RWDD2B: variants seen among roughly 807,000 people sequenced by gnomAD.
RWDD2B encodes RWD domain containing 2B.
A neutral mutation model predicts 33.6 loss-of-function variants in RWDD2B; 36 were observed. That is an observed-to-expected ratio of 1.07 (90% CI 0.82 to 1.42). The LOEUF (loss-of-function observed/expected upper bound fraction) is 1.42. Ranked by LOEUF, RWDD2B falls within the 40% of genes most tolerant of loss-of-function variation. RWDD2B has a pLI of 0.00. For missense variants in RWDD2B, 364 were observed against 377.5 expected (o/e 0.96, Z 0.30); for synonymous variants, 126 against 133.1 (o/e 0.95, Z 0.37).
intron 1 of RWDD2B, 71 bp downstream of exon 1, chr21:29,019,117 ATGCCGGGCACGTTCCCAAAGGGT>A: frequency 9.4e-7 from 1 of 1,068,822 alleles, no homozygotes; most frequent in Non-Finnish European, 1.4e-6. Flanking sequence ...CGGGGCCGCC[ATGCCGGGCACGTTCCCAAAGGGT>A]TGCACTGGGC....
rs1361980818 is a variant in RWDD2B, at chr21:29,006,096, G to A, written c.*321C>T. On this transcript the variant is annotated 3_prime_UTR_variant, in exon 5 of 5. Coordinates refer to ENST00000493196, the MANE Select transcript of RWDD2B (RefSeq NM_016940.3). ...TTTTCTGGGTTCTTTAGTGAAGGCA[G>A]GTAAGGGAGAAGGGGGTTGGGAATG... The A allele has an allele frequency of 5.1e-6, 1 of 197,396 alleles. No individual in the cohort carries two copies. The highest frequency in any genetic ancestry group is 2.3e-5 in the African/African-American group (1 of 42,572). 12.2% of individuals were successfully genotyped at this position (197,396 alleles called of 1,614,324 possible). A position where few individuals can be genotyped will look rare whatever the true frequency, so the allele number is the denominator to read the frequency against.
chr21:29,006,342 T>C lies in RWDD2B; in HGVS notation c.*75A>G. The C allele has an allele frequency of 2.1e-6, 2 of 947,772 alleles. No homozygotes were observed. Among genetic ancestry groups the C allele is most frequent in the Non-Finnish European group, 3.2e-6 (2 of 631,640 alleles). The allele number at this position is 947,772 out of a possible 1,614,324, so 58.7% of individuals were successfully genotyped here. On this transcript the variant is annotated 3_prime_UTR_variant, in exon 5 of 5. Coordinates refer to ENST00000493196, the MANE Select transcript of RWDD2B (RefSeq NM_016940.3). Reference sequence around the variant, plus strand: ...AGAATGGAACTAAAATAAAATTACTTAATCTTTCAAGAAAAAGTGGGAAAA... The same window carrying C: ...AGAATGGAACTAAAATAAAATTACTCAATCTTTCAAGAAAAAGTGGGAAAA...
rs374513183 is a variant in RWDD2B at position 29,017,166 on chromosome 21, C to T, written c.67+2045G>A. Among the ~76,000 whole-genome samples, 560 of 151,954 alleles carry T rather than the reference C, an allele frequency of 3.7e-3. 7 individuals are homozygous for T. Among genetic ancestry groups the T allele is most frequent in the African/African-American group, 0.012 (510 of 41,438 alleles). On this transcript the variant is annotated intron_variant, in intron 1 of 4. Coordinates refer to ENST00000493196, the MANE Select transcript of RWDD2B (RefSeq NM_016940.3). ...GATTACAGGCATGAGCCACCGTGTC[C>T]GGCTGCTTATTACTATTATTATTAT...
In RWDD2B at chr21:29,008,136, A is replaced by G; in HGVS notation, c.363-13T>C. On this transcript the variant is annotated splice_polypyrimidine_tract_variant and intron_variant, in intron 3 of 4. Transcript: ENST00000493196. ...CAATAATACTGATCTAATAGAAAAG[A>G]TACAAGAAAAATATTGTCTTGGAAC... is the stretch of plus-strand genomic sequence containing the variant. 1 of 1,610,624 alleles carries G rather than the reference A, an allele frequency of 6.2e-7. No homozygotes were observed. Among genetic ancestry groups the G allele is most frequent in the Non-Finnish European group, 8.5e-7 (1 of 1,178,480 alleles).
chr21:29,006,660 A>G lies in RWDD2B; in HGVS notation c.726-9T>C. 1 of 1,520,234 alleles carries G rather than the reference A, an allele frequency of 6.6e-7. No individual in the cohort carries two copies. Among genetic ancestry groups the G allele is most frequent in the Non-Finnish European group, 9.1e-7 (1 of 1,104,312 alleles). 94.2% of individuals were successfully genotyped at this position (1,520,234 alleles called of 1,614,324 possible). ...AGTTTAATTTTCTGAGTCTGAAAAG[A>G]AATTTCCAAAGTAAACATTTTCAAA... On this transcript the variant is annotated splice_polypyrimidine_tract_variant and intron_variant, in intron 4 of 4. Coordinates refer to ENST00000493196, the MANE Select transcript of RWDD2B (RefSeq NM_016940.3).
At chr21:29,009,001 G>A (rs909403010) in intron 1 of RWDD2B, among the ~76,000 whole-genome samples, 1 of 152,214 alleles carries the variant, frequency 6.6e-6, no homozygotes, top group Non-Finnish European at 1.5e-5. Context: ...GATATGACTG[G>A]TTACACTGGA....
Position 29,006,270 on chromosome 21 carries a change from C to T in RWDD2B, c.*147G>A. 3.7e-6 allele frequency: 2 copies of T among 534,476 alleles called. No individual in the cohort carries two copies. The highest frequency in any genetic ancestry group is 6.7e-6 in the Non-Finnish European group (2 of 300,128). The allele number at this position is 534,476 out of a possible 1,614,324, so 33.1% of individuals were successfully genotyped here. On this transcript the variant is annotated 3_prime_UTR_variant, in exon 5 of 5. Transcript: ENST00000493196. ...TCAATCATGACATTTTTAACAGATG[C>T]ATTTCAGCTATACTATTTTTTCTTG...
At chr21:29,017,003 G>C (rs1462231158) in intron 1 of RWDD2B, among the ~76,000 whole-genome samples, 2 of 151,682 alleles carry the variant, frequency 1.3e-5, no homozygotes. Context: ...CTGTCACCCA[G>C]GCCAGAGTGC....
Position 29,006,103 on chromosome 21 carries a change from G to A in RWDD2B, c.*314C>T. On this transcript the variant is annotated 3_prime_UTR_variant, in exon 5 of 5. Transcript: ENST00000493196. ...GGTTCTTTAGTGAAGGCAGGTAAGG[G>A]AGAAGGGGGTTGGGAATGGCTGGCA... is the stretch of plus-strand genomic sequence containing the variant. 1 of 206,058 alleles carries A rather than the reference G, an allele frequency of 4.9e-6. No homozygotes were observed. The allele number at this position is 206,058 out of a possible 1,614,324, so 12.8% of individuals were successfully genotyped here. A position where few individuals can be genotyped will look rare whatever the true frequency, so the allele number is the denominator to read the frequency against.
chr21:29,009,404 T>C lies in RWDD2B; in HGVS notation c.68-783A>G, dbSNP rs182841525. Among the ~76,000 whole-genome samples the C allele has an allele frequency of 2.3e-3, 339 of 150,054 alleles. 1 individual carries two copies. The highest frequency in any genetic ancestry group is 7.9e-3 in the African/African-American group (323 of 40,694). On this transcript the variant is annotated intron_variant, in intron 1 of 4. Coordinates refer to ENST00000493196, the MANE Select transcript of RWDD2B (RefSeq NM_016940.3). ...ATGGCATTTATTAGTTTTTTTTTTT[T>C]TTTTTTTGAAACGGAGTCTCGCTCT... is the stretch of plus-strand genomic sequence containing the variant.
chr21:29,014,781 A>G (rs1339103090), intron 1 of RWDD2B, among the ~76,000 whole-genome samples: 2 of 152,242 alleles, frequency 1.3e-5, no homozygotes, highest in South Asian at 2.1e-4. Context: ...AGATACAGCC[A>G]CTGCACTCCA....
At chr21:29,016,262 TTTTA>T (rs1268716815) in intron 1 of RWDD2B, among the ~76,000 whole-genome samples, 6 of 152,242 alleles carry the variant, frequency 3.9e-5, no homozygotes, top group Admixed American at 1.3e-4. Context: ...TTTTCCGATT[TTTTA>T]TTTATTTATT....
chr21:29,007,564 T>C (rs1261622499), intron 4 of RWDD2B, among the ~76,000 whole-genome samples, 197 bp downstream of exon 4: 1 of 152,250 alleles, frequency 6.6e-6, no homozygotes, highest in Non-Finnish European at 1.5e-5. Context: ...CATTACTGAA[T>C]ATCATTCTGA....
rs999763921 is a variant in RWDD2B, at chr21:29,008,596, A to G, written c.93T>C (p.Ile31=). The change falls in exon 2 of 5, where the codon ATT becomes ATC. Residue 31 remains isoleucine, a synonymous_variant. Coordinates refer to ENST00000493196, the MANE Select transcript of RWDD2B (RefSeq NM_016940.3). ...GCTGGGCCTCCGCCTGCTCCATCTC[A>G]ATCATTTTTGGACATGTGTAAGTTT... ...AQETYTCPKM[I]EMEQAEAQLA... The G allele has an allele frequency of 9.9e-6, 16 of 1,612,956 alleles. No individual in the cohort carries two copies. The highest frequency in any genetic ancestry group is 1.7e-5 in the Admixed American group (1 of 59,930).
chr21:29,011,425 C>T (rs1410497057), intron 1 of RWDD2B, among the ~76,000 whole-genome samples: 4 of 148,496 alleles, frequency 2.7e-5, no homozygotes, highest in African/African-American at 7.6e-5. Flanking sequence ...GGAGCCCCTC[C>T]GCCCGGCAGC....
rs980437792 is a variant in RWDD2B, at chr21:29,005,126, T to C, written c.*1291A>G. 1 of 152,222 alleles carries C rather than the reference T, an allele frequency of 6.6e-6. No individual in the cohort carries two copies. The highest frequency in any genetic ancestry group is 2.4e-5 in the African/African-American group (1 of 41,456). 9.4% of individuals were successfully genotyped at this position (152,222 alleles called of 1,614,324 possible). A position where few individuals can be genotyped will look rare whatever the true frequency, so the allele number is the denominator to read the frequency against. On this transcript the variant is annotated 3_prime_UTR_variant, in exon 5 of 5. Transcript: ENST00000493196. ...TGTGTTTATTTAATGCTAGGTCAATTTGGCAAAAATAAATGTACAGAAAGC... is the reference window on the plus strand; with the variant it reads ...TGTGTTTATTTAATGCTAGGTCAATCTGGCAAAAATAAATGTACAGAAAGC...
intron 1 of RWDD2B, among the ~76,000 whole-genome samples, chr21:29,011,969 C>A (rs1443160864): frequency 7.8e-6 from 1 of 128,326 alleles, no homozygotes; most frequent in Admixed American, 7.5e-5. Context: ...CCCGGCCAGC[C>A]GCGCCGTCCG....
At chr21:29,007,295 G>A (rs2084833154) in intron 4 of RWDD2B, among the ~76,000 whole-genome samples, 1 of 152,224 alleles carries the variant, frequency 6.6e-6, no homozygotes, top group Admixed American at 6.5e-5. Context: ...AGGTGACGGG[G>A]AAAATGCTGA....
chr21:29,012,293 C>A (rs987168571), intron 1 of RWDD2B, among the ~76,000 whole-genome samples: 16 of 151,982 alleles, frequency 1.1e-4, no homozygotes, highest in Admixed American at 6.5e-5. Flanking sequence ...TCACTGAGAA[C>A]GGGCCATGAT....
Sources: gnomAD v4.1 joint callset for allele counts (sites outside exome capture counted in the v4.1 genomes callset) on GRCh38, gnomAD v4.1.1 for gene constraint, MANE v1.5 for transcripts, NCBI Gene and HGNC (gene_info 2026-07-23, HGNC 2026-07-21) for gene names.